ADGRL1: variants seen among roughly 807,000 people sequenced by gnomAD.
The protein encoded by ADGRL1 is adhesion G protein-coupled receptor L1.
In ADGRL1, 31 loss-of-function variants were observed where a neutral mutation model predicts 148.9. The observed-to-expected ratio is 0.21, with a 90% CI of 0.16 to 0.28. The LOEUF is 0.28. ADGRL1 is among the 10% of genes least tolerant of loss of function. ADGRL1 has a pLI of 1.00. For missense variants in ADGRL1, 1,521 were observed against 2,058.8 expected (o/e 0.74, Z 5.05); for synonymous variants, 937 against 900.3 (o/e 1.04, Z -0.73).
intron 1 of ADGRL1, among the ~76,000 whole-genome samples, chr19:14,203,428 C>A (rs1201960326): frequency 6.6e-6 from 1 of 152,118 alleles, no homozygotes; most frequent in Non-Finnish European, 1.5e-5. Flanking sequence ...GAGATGCCTG[C>A]GCTGGGGCTG....
rs913055062 is a variant in ADGRL1, at chr19:14,183,619, G to C, written c.-17C>G. On this transcript the variant is annotated 5_prime_UTR_variant, in exon 2 of 23. Transcript: ENST00000361434. The stretch of plus-strand genomic sequence containing the variant: ...GCGGGCCATGGTGGCAGCCGGGTGC[G>C]TGTCCGGAGCTCTCAGTGGCCTGTG... 5 of 1,561,236 alleles carry C rather than the reference G, an allele frequency of 3.2e-6. No individual in the cohort carries two copies. The African/African-American group carries it at 5.4e-5, about 17-fold the overall frequency.
Position 14,160,586 on chromosome 19 carries a change from C to T in ADGRL1, c.1614+7G>A. 6.3e-7 allele frequency: 1 copy of T among 1,595,230 alleles called. No individual in the cohort carries two copies. Among genetic ancestry groups the T allele is most frequent in the Non-Finnish European group, 8.5e-7 (1 of 1,170,592 alleles). On this transcript the variant is annotated splice_region_variant and intron_variant, in intron 7 of 22. Coordinates refer to ENST00000361434, the MANE Select transcript of ADGRL1 (RefSeq NM_014921.5). This position sits in a 1 kb window ranked among gnomAD's most constrained non-coding sequence, Gnocchi z 5.9. ...TGTGCCTGCCTGCGAGGGGTGGTGG[C>T]TGGTACCTTCTGGGCCACCTGGTTG... is the stretch of plus-strand genomic sequence containing the variant.
intron 3 of ADGRL1, among the ~76,000 whole-genome samples, chr19:14,174,349 G>T (rs947096339): frequency 6.6e-5 from 10 of 152,098 alleles, no homozygotes; most frequent in Non-Finnish European, 8.8e-5. Flanking sequence ...AGGAAGCGGG[G>T]AAGAGAGGCA....
At chr19:14,184,638 ATTTATTTATTTT>A (rs1971461248) in intron 1 of ADGRL1, among the ~76,000 whole-genome samples, 1 of 120,926 alleles carries the variant, frequency 8.3e-6, no homozygotes, top group African/African-American at 3.7e-5. Context: ...TTATTTATTT[ATTTATTTATTTT>A]TTTTTCTGAG....
At chr19:14,156,636 G>C in intron 16 of ADGRL1, 22 bp downstream of exon 16, 1 of 1,603,524 alleles carries the variant, frequency 6.2e-7, no homozygotes, top group Non-Finnish European at 8.5e-7. Flanking sequence ...TGTGGTGCTA[G>C]GGGTGTCACC....
chr19:14,205,259 G>A (rs1490913865), intron 1 of ADGRL1, among the ~76,000 whole-genome samples: 15 of 151,956 alleles, frequency 9.9e-5, no homozygotes, highest in Admixed American at 7.9e-4. Context: ...GGGTGGGGGT[G>A]GGGAGCTGTC....
intron 4 of ADGRL1, among the ~76,000 whole-genome samples, chr19:14,165,814 C>T (rs1969907500): frequency 6.6e-6 from 1 of 152,038 alleles, no homozygotes; most frequent in African/African-American, 2.4e-5. Flanking sequence ...GACCCTGCCC[C>T]ACCTCCTTCG....
At chr19:14,178,000 A>G (rs1440738820) in intron 2 of ADGRL1, among the ~76,000 whole-genome samples, 1 of 152,146 alleles carries the variant, frequency 6.6e-6, no homozygotes, top group African/African-American at 2.4e-5. Flanking sequence ...GCTCTGCTTG[A>G]TAAGAGTGAC....
chr19:14,158,474 G>T lies in ADGRL1; in HGVS notation c.2228C>A (p.Ala743Asp), dbSNP rs200591817. The change falls in exon 12 of 23, where the codon GCC (alanine) becomes GAC (aspartate). Residue 743 changes from alanine (A) to aspartate (D), a missense_variant. Transcript: ENST00000361434. The part of the protein sequence containing the change: ...LSTENATVKL[A>D]GEAGPGGPGG... Reference sequence around the variant, plus strand: ...AGGGCCACCCGGGCCTGCTTCGCCGGCCAGCTTCACTGTGGCATTCTCCGT... The same window carrying T: ...AGGGCCACCCGGGCCTGCTTCGCCGTCCAGCTTCACTGTGGCATTCTCCGT... The T allele has an allele frequency of 6.8e-5, 110 of 1,613,898 alleles. No homozygotes were observed. Among genetic ancestry groups the T allele is most frequent in the Non-Finnish European group, 8.7e-5 (103 of 1,180,034 alleles).
chr19:14,159,519 A>G lies in ADGRL1; in HGVS notation c.1905T>C (p.Asn635=). 6.2e-7 allele frequency: 1 copy of G among 1,612,478 alleles called. No homozygotes were observed. Among genetic ancestry groups the G allele is most frequent in the Non-Finnish European group, 8.5e-7 (1 of 1,179,024 alleles). ...PEALESWKDM[N]ATEQVHTATM... is the part of the protein sequence containing the mutation. ...TGGCCGTGTGCACCTGCTCCGTGGCATTCATGTCCTTCCAGGACTCCAGAG... is the reference window on the plus strand; with the variant it reads ...TGGCCGTGTGCACCTGCTCCGTGGCGTTCATGTCCTTCCAGGACTCCAGAG... The change falls in exon 10 of 23, where the codon AAT becomes AAC. Residue 635 remains asparagine, a synonymous_variant. Transcript: ENST00000361434. This position sits in a 1 kb window ranked among gnomAD's most constrained non-coding sequence, Gnocchi z 6.0.
At chr19:14,172,998 C>T (rs944920931) in intron 3 of ADGRL1, among the ~76,000 whole-genome samples, 7 of 152,150 alleles carry the variant, frequency 4.6e-5, no homozygotes, top group African/African-American at 9.7e-5. Flanking sequence ...CCCGCTCTGT[C>T]ACCGAGGCTG....
Position 14,152,767 on chromosome 19 carries a change from C to T in ADGRL1, c.3423+17G>A, listed in dbSNP as rs1293889670. On this transcript the variant is annotated intron_variant, in intron 19 of 22. Transcript: ENST00000361434. This position sits in a 1 kb window ranked among gnomAD's most constrained non-coding sequence, Gnocchi z 6.1. ...GTTCCAACACTCAGCCCCAGGGAGTCCTGTCTGGCCCGATACCTGGGTCCC... is the reference window on the plus strand; with the variant it reads ...GTTCCAACACTCAGCCCCAGGGAGTTCTGTCTGGCCCGATACCTGGGTCCC... The T allele has an allele frequency of 1.9e-6, 3 of 1,613,538 alleles. No individual in the cohort carries two copies. The highest frequency in any genetic ancestry group is 2.2e-5 in the South Asian group (2 of 90,974).
chr19:14,149,710 T>C lies in ADGRL1; in HGVS notation c.*1163A>G, dbSNP rs541723484. 1.4e-5 allele frequency: 2 copies of C among 143,362 alleles called. No homozygotes were observed. The highest frequency in any genetic ancestry group is 5.2e-5 in the African/African-American group (2 of 38,200). The allele number at this position is 143,362 out of a possible 1,614,324, so 8.9% of individuals were successfully genotyped here. On this transcript the variant is annotated 3_prime_UTR_variant, in exon 23 of 23. Transcript: ENST00000361434. ...GGTGCCAGGAAGGAAATGGGTTCTT[T>C]GTTTCGCTGTTGCATCTAGATTTTG...
Position 14,155,337 on chromosome 19 carries a change from C to T in ADGRL1, c.3294+22G>A. On this transcript the variant is annotated intron_variant, in intron 18 of 22. Coordinates refer to ENST00000361434, the MANE Select transcript of ADGRL1 (RefSeq NM_014921.5). This position sits in a 1 kb window ranked among gnomAD's most constrained non-coding sequence, Gnocchi z 5.0. Reference sequence around the variant, plus strand: ...AACGTCTCCAAGGGAGGCTGTGACCCAGGACCCCGCCTCGACCTCACCTTC... The same window carrying T: ...AACGTCTCCAAGGGAGGCTGTGACCTAGGACCCCGCCTCGACCTCACCTTC... 6.2e-7 allele frequency: 1 copy of T among 1,611,216 alleles called. No individual in the cohort carries two copies. Among genetic ancestry groups the T allele is most frequent in the Non-Finnish European group, 8.5e-7 (1 of 1,178,058 alleles).
chr19:14,188,664 C>T (rs1266298547), intron 1 of ADGRL1, among the ~76,000 whole-genome samples: 1 of 152,236 alleles, frequency 6.6e-6, no homozygotes, highest in African/African-American at 2.4e-5. Flanking sequence ...GTCCACACAT[C>T]TGTCTTCAGC....
rs985984977 is a variant in ADGRL1, at chr19:14,155,306, C to G, written c.3294+53G>C. On this transcript the variant is annotated intron_variant, in intron 18 of 22. Coordinates refer to ENST00000361434, the MANE Select transcript of ADGRL1 (RefSeq NM_014921.5). This position sits in a 1 kb window ranked among gnomAD's most constrained non-coding sequence, Gnocchi z 5.0. ...ACCCTCGCCGCCTTCTCCTGGGTACCCAGGAAACGTCTCCAAGGGAGGCTG... is the reference window on the plus strand; with the variant it reads ...ACCCTCGCCGCCTTCTCCTGGGTACGCAGGAAACGTCTCCAAGGGAGGCTG... 13 of 1,595,984 alleles carry G rather than the reference C, an allele frequency of 8.1e-6. No homozygotes were observed. Among genetic ancestry groups the G allele is most frequent in the Admixed American group, 5.1e-5 (3 of 58,732 alleles).
chr19:14,191,505 C>A, intron 1 of ADGRL1: 1 of 455,978 alleles, frequency 2.2e-6, no homozygotes, highest in Non-Finnish European at 4.4e-6. Flanking sequence ...GCTGCCATAA[C>A]AAAGTGCCAT....
rs746865021 is a variant in ADGRL1 at position 14,177,099 on chromosome 19, G to A, written c.284+432C>T. Among the ~76,000 whole-genome samples, 79 of 152,158 alleles carry A rather than the reference G, an allele frequency of 5.2e-4. No homozygotes were observed. The Middle Eastern group carries it at 0.014, about 26-fold the overall frequency. On this transcript the variant is annotated intron_variant, in intron 3 of 22. Transcript: ENST00000361434. ...AAAAAAATTAGTCAGGCGTGGTGGCGTGCGCCTATAATCCCCAGCTACTTG... is the reference window on the plus strand; with the variant it reads ...AAAAAAATTAGTCAGGCGTGGTGGCATGCGCCTATAATCCCCAGCTACTTG...
chr19:14,151,362 A>T lies in ADGRL1; in HGVS notation c.3921T>A (p.Pro1307=). 1 of 1,600,028 alleles carries T rather than the reference A, an allele frequency of 6.2e-7. No individual in the cohort carries two copies. The highest frequency in any genetic ancestry group is 8.5e-7 in the Non-Finnish European group (1 of 1,174,384). ...CTTCCTCGCCCCCGCCCCCTGGCAC[A>T]GGTGGCACAGGGGGCTCAGGCGGTG... ...GPPPPEPPVP[P]VPGGGGEEEA... is the part of the protein sequence containing the mutation. The change falls in exon 23 of 23, where the codon CCT becomes CCA. Residue 1307 remains proline, a synonymous_variant. Transcript: ENST00000361434.
Sources: allele counts gnomAD v4.1 joint callset (sites outside exome capture counted in the v4.1 genomes callset), GRCh38; gene constraint gnomAD v4.1.1; non-coding constraint Gnocchi (gnomAD v3.1); transcripts MANE v1.5; gene names NCBI Gene and HGNC (gene_info 2026-07-23, HGNC 2026-07-21).